The following AGTR1 variants were observed in gnomAD, a reference collection of about 807,000 sequenced individuals.
AGTR1 encodes the protein type-1 angiotensin II receptor.
A neutral mutation model predicts 19.4 loss-of-function variants in AGTR1; 16 were observed. The observed-to-expected ratio is 0.82, with a 90% CI of 0.56 to 1.25. The LOEUF is 1.25. Ranked by LOEUF, AGTR1 falls within the 50% of genes most tolerant of loss-of-function variation. The pLI is 0.00. For missense variants in AGTR1, 373 were observed against 431.9 expected (o/e 0.86, Z 1.21); for synonymous variants, 153 against 154.9 (o/e 0.99, Z 0.09).
chr3:148,735,368 G>A (rs1714517459), intron 2 of AGTR1, among the ~76,000 whole-genome samples: 1 of 152,142 alleles, frequency 6.6e-6, no homozygotes, highest in South Asian at 2.1e-4. Context: ...CCCCCAAGCT[G>A]AGGTTTCATA....
chr3:148,719,671 G>A (rs570748521), intron 2 of AGTR1, among the ~76,000 whole-genome samples: 1 of 152,222 alleles, frequency 6.6e-6, no homozygotes, highest in Non-Finnish European at 1.5e-5. Context: ...AACTCCATGT[G>A]CCTCTAGACT....
chr3:148,698,117 C>A lies in AGTR1; in HGVS notation c.-142C>A, dbSNP rs1415279311. On this transcript the variant is annotated 5_prime_UTR_variant, in exon 1 of 3. Coordinates refer to ENST00000349243, the MANE Select transcript of AGTR1 (RefSeq NM_000685.5). ...CCCTCGGCGGGACGTGACGCAGCGC[C>A]CGGGGCGCGGGTGAGTCCGCGCGGA... 2 of 152,178 alleles carry A rather than the reference C, an allele frequency of 1.3e-5. No homozygotes were observed. Among genetic ancestry groups the A allele is most frequent in the African/African-American group, 4.8e-5 (2 of 41,456 alleles). The allele number at this position is 152,178 out of a possible 1,614,324, so 9.4% of individuals were successfully genotyped here.
chr3:148,707,371 A>G (rs1309998357), intron 1 of AGTR1, among the ~76,000 whole-genome samples: 1 of 152,178 alleles, frequency 6.6e-6, no homozygotes, highest in African/African-American at 2.4e-5. Context: ...AGAGAAAAGT[A>G]ATAGAGGGTA....
chr3:148,715,021 T>A (rs1186986015), intron 2 of AGTR1, among the ~76,000 whole-genome samples: 1 of 152,190 alleles, frequency 6.6e-6, no homozygotes, highest in African/African-American at 2.4e-5. Flanking sequence ...AGTTATTCCA[T>A]TTAAATTATT....
chr3:148,719,390 C>A (rs1271973257), intron 2 of AGTR1, among the ~76,000 whole-genome samples: 1 of 152,110 alleles, frequency 6.6e-6, no homozygotes, highest in Non-Finnish European at 1.5e-5. Context: ...ACTCTCTGGC[C>A]AAAGTCACAG....
In AGTR1 at chr3:148,741,569, A is replaced by G; in HGVS notation, c.534A>G (p.Thr178=). 6.2e-7 allele frequency: 1 copy of G among 1,614,064 alleles called. No homozygotes were observed. The highest frequency in any genetic ancestry group is 8.5e-7 in the Non-Finnish European group (1 of 1,179,936). Reference sequence around the variant, plus strand: ...TTTTCATTGAGAACACCAATATTACAGTTTGTGCTTTCCATTATGAGTCCC... The same window carrying G: ...TTTTCATTGAGAACACCAATATTACGGTTTGTGCTTTCCATTATGAGTCCC... ...NVFFIENTNI[T]VCAFHYESQN... The change falls in exon 3 of 3, where the codon ACA becomes ACG. Residue 178 remains threonine, a synonymous_variant. Coordinates refer to ENST00000349243, the MANE Select transcript of AGTR1 (RefSeq NM_000685.5).
chr3:148,717,636 C>A (rs760335444), intron 2 of AGTR1, among the ~76,000 whole-genome samples: 15 of 152,136 alleles, frequency 9.9e-5, no homozygotes, highest in Non-Finnish European at 1.9e-4. Flanking sequence ...GTCAGGAGCT[C>A]TGAGAGGAAT....
At chr3:148,702,956 T>C (rs1379325074) in intron 1 of AGTR1, among the ~76,000 whole-genome samples, 1 of 152,214 alleles carries the variant, frequency 6.6e-6, no homozygotes, top group Non-Finnish European at 1.5e-5. Context: ...GCTTTTGTCT[T>C]GCTAATTGAA....
chr3:148,739,415 A>G (rs1714752499), intron 2 of AGTR1, among the ~76,000 whole-genome samples: 2 of 152,150 alleles, frequency 1.3e-5, no homozygotes, highest in Non-Finnish European at 2.9e-5. Flanking sequence ...TGCTCAAAAA[A>G]GTTGGGAAGG....
chr3:148,741,408 G>T lies in AGTR1; in HGVS notation c.373G>T (p.Asp125Tyr). 7 of 1,604,190 alleles carry T rather than the reference G, an allele frequency of 4.4e-6. No homozygotes were observed. The highest frequency in any genetic ancestry group is 5.9e-6 in the Non-Finnish European group (7 of 1,178,538). ...GTTTCTACTCACGTGTCTCAGCATT[G>T]ATCGATACCTGGCTATTGTTCACCC... ...SVFLLTCLSI[D>Y]RYLAIVHPMK... Residue 125 changes from aspartate (D) to tyrosine (Y), a missense_variant, in exon 3 of 3, where the codon GAT becomes TAT. Asp to Tyr is a radical substitution (Grantham distance 160). Transcript: ENST00000349243.
chr3:148,707,953 T>C lies in AGTR1; in HGVS notation c.-122T>C. 1 of 152,194 alleles carries C rather than the reference T, an allele frequency of 6.6e-6. No homozygotes were observed. The highest frequency in any genetic ancestry group is 1.5e-5 in the Non-Finnish European group (1 of 68,028). 9.4% of individuals were successfully genotyped at this position (152,194 alleles called of 1,614,324 possible). On this transcript the variant is annotated 5_prime_UTR_variant, in exon 2 of 3. Coordinates refer to ENST00000349243, the MANE Select transcript of AGTR1 (RefSeq NM_000685.5). Reference sequence around the variant, plus strand: ...ATTTTTTTCTTTTTAGGTTTGATATTTGACAAATTGATCTAAAATGGCTGG... The same window carrying C: ...ATTTTTTTCTTTTTAGGTTTGATATCTGACAAATTGATCTAAAATGGCTGG...
rs2107931071 is a variant in AGTR1 at position 148,708,040 on chromosome 3, C to T, written c.-48+13C>T. On this transcript the variant is annotated intron_variant, in intron 2 of 2. Transcript: ENST00000349243. The stretch of plus-strand genomic sequence containing the variant: ...AAGTCGGCACCAGGTAAATGCCTTA[C>T]ATCTACAGCAGTGGGTCTGTCAGCA... The T allele has an allele frequency of 6.6e-6, 1 of 152,250 alleles. No homozygotes were observed. Among genetic ancestry groups the T allele is most frequent in the African/African-American group, 2.4e-5 (1 of 41,546 alleles). 9.4% of individuals were successfully genotyped at this position (152,250 alleles called of 1,614,324 possible). A position where few individuals can be genotyped will look rare whatever the true frequency, so the allele number is the denominator to read the frequency against.
chr3:148,737,231 G>A (rs12695914), intron 2 of AGTR1, among the ~76,000 whole-genome samples: 6 of 152,000 alleles, frequency 3.9e-5, no homozygotes, highest in Non-Finnish European at 7.4e-5. Context: ...CCCCAAGAGC[G>A]TTGTGCAATA....
intron 2 of AGTR1, among the ~76,000 whole-genome samples, chr3:148,714,393 G>A (rs1713169896): frequency 6.6e-6 from 1 of 152,110 alleles, no homozygotes; most frequent in Non-Finnish European, 1.5e-5. Flanking sequence ...ACATCTGGGA[G>A]AAGATCGCTC....
At chr3:148,737,451 T>C (rs1714630814) in intron 2 of AGTR1, among the ~76,000 whole-genome samples, 1 of 149,734 alleles carries the variant, frequency 6.7e-6, no homozygotes, top group Non-Finnish European at 1.5e-5. Flanking sequence ...AAACACAGAG[T>C]ATTCCACATG....
chr3:148,703,824 A>C (rs1712494355), intron 1 of AGTR1, among the ~76,000 whole-genome samples: 4 of 119,042 alleles, frequency 3.4e-5, no homozygotes, highest in Admixed American at 2.4e-4. Flanking sequence ...TTCCCTCATA[A>C]ATTTTTTTTA....
At chr3:148,735,692 G>A (rs987778385) in intron 2 of AGTR1, among the ~76,000 whole-genome samples, 3 of 152,170 alleles carry the variant, frequency 2.0e-5, no homozygotes, top group African/African-American at 7.2e-5. Context: ...AAATATTAGT[G>A]CCAATTTCTA....
intron 2 of AGTR1, among the ~76,000 whole-genome samples, chr3:148,710,646 G>T (rs959202628): frequency 6.6e-6 from 1 of 151,942 alleles, no homozygotes; most frequent in African/African-American, 2.4e-5. Context: ...ACAAAATAAG[G>T]GGTAGAATAC....
chr3:148,705,888 T>C (rs1712640265), intron 1 of AGTR1, among the ~76,000 whole-genome samples: 1 of 151,932 alleles, frequency 6.6e-6, no homozygotes, highest in African/African-American at 2.4e-5. Flanking sequence ...CTTAATGAAA[T>C]TCATTTAATT....
Sources: gnomAD v4.1 joint callset for allele counts (sites outside exome capture counted in the v4.1 genomes callset) on GRCh38, gnomAD v4.1.1 for gene constraint, MANE v1.5 for transcripts, NCBI Gene and HGNC (gene_info 2026-07-23, HGNC 2026-07-21) for gene names.